Variants in AFAP1 observed in about 807,000 individuals in gnomAD.
AFAP1 encodes the protein actin filament associated protein 1.
AFAP1 carries 75 observed loss-of-function variants against 93.9 expected under a neutral mutation model. The observed-to-expected ratio is 0.80, with a 90% confidence interval of 0.66 to 0.97. The LOEUF is 0.97. Ranked by LOEUF, AFAP1 falls within the 50% of genes least tolerant of loss-of-function variation. AFAP1 has a pLI of 0.00. For missense variants in AFAP1, 1,201 were observed against 1,050.8 expected (o/e 1.14, Z -1.98); for synonymous variants, 517 against 430.7 (o/e 1.20, Z -2.48).
chr4:7,781,111 A>T (rs1475408933), intron 13 of AFAP1, among the ~76,000 whole-genome samples: 1 of 152,210 alleles, frequency 6.6e-6, no homozygotes, highest in Non-Finnish European at 1.5e-5. Context: ...GACATAATTC[A>T]CAAAATTTCA....
At chr4:7,842,567 T>C (rs1467038207) in intron 5 of AFAP1, 1 of 151,880 alleles carries the variant, frequency 6.6e-6, no homozygotes, top group African/African-American at 2.4e-5. Context: ...CACACCGTCC[T>C]CCCGGAATGC....
intron 1 of AFAP1, among the ~76,000 whole-genome samples, chr4:7,924,950 G>A (rs116028553): frequency 6.6e-6 from 1 of 151,972 alleles, no homozygotes; most frequent in Non-Finnish European, 1.5e-5. Flanking sequence ...CAATCACATA[G>A]GACACCCCAC....
intron 1 of AFAP1, among the ~76,000 whole-genome samples, chr4:7,926,557 A>G (rs1052094000): frequency 2.6e-5 from 4 of 152,050 alleles, no homozygotes; most frequent in Non-Finnish European, 4.4e-5. Context: ...CCCAAGGAGG[A>G]GAGAAGCAAA....
At chr4:7,820,291 T>C (rs910128935) in intron 6 of AFAP1, among the ~76,000 whole-genome samples, 1 of 152,148 alleles carries the variant, frequency 6.6e-6, no homozygotes, top group Non-Finnish European at 1.5e-5. Flanking sequence ...GACAGAGAAA[T>C]GGGCTGGGTG....
chr4:7,881,634 T>A (rs1717853337), intron 1 of AFAP1, among the ~76,000 whole-genome samples: 1 of 151,986 alleles, frequency 6.6e-6, no homozygotes, highest in African/African-American at 2.4e-5. Context: ...AATACAAAAA[T>A]TAGCCGGGCA....
chr4:7,919,882 A>G (rs544427684), intron 1 of AFAP1, among the ~76,000 whole-genome samples: 4 of 151,920 alleles, frequency 2.6e-5, no homozygotes, highest in African/African-American at 9.7e-5. Flanking sequence ...ACTTATAAGT[A>G]AGAACACATG....
chr4:7,900,367 CGCATTTAGCACA>C (rs1560227288), intron 1 of AFAP1, among the ~76,000 whole-genome samples: 1 of 6,230 alleles, frequency 1.6e-4, no homozygotes, highest in African/African-American at 4.3e-4. Flanking sequence ...CATTTAGCTG[CGCATTTAGCACA>C]GCTAAAATGG....
intron 4 of AFAP1, among the ~76,000 whole-genome samples, chr4:7,846,586 G>T (rs542691967): frequency 2.6e-5 from 4 of 152,308 alleles, no homozygotes; most frequent in Non-Finnish European, 4.4e-5. Context: ...ATGAAGTAAA[G>T]ATTTAATGAG....
intron 6 of AFAP1, among the ~76,000 whole-genome samples, chr4:7,837,330 G>T (rs550878045): frequency 6.6e-6 from 1 of 152,150 alleles, no homozygotes; most frequent in Admixed American, 6.5e-5. Flanking sequence ...TCTGGGAGGT[G>T]ACTAGGTCAT....
At chr4:7,766,471 G>A (rs1714593168) in intron 17 of AFAP1, among the ~76,000 whole-genome samples, 2 of 152,144 alleles carry the variant, frequency 1.3e-5, no homozygotes, top group South Asian at 4.1e-4. Flanking sequence ...AGGTCACACT[G>A]GCCACAGAAT....
intron 11 of AFAP1, among the ~76,000 whole-genome samples, chr4:7,792,045 CCT>C (rs1381719693): frequency 6.6e-6 from 1 of 152,100 alleles, no homozygotes; most frequent in Admixed American, 6.6e-5. Context: ...CTGCTTCTGC[CCT>C]CTGTCACAAA....
At chr4:7,876,749 G>C (rs80147442) in intron 1 of AFAP1, among the ~76,000 whole-genome samples, 4 of 152,112 alleles carry the variant, frequency 2.6e-5, no homozygotes, top group African/African-American at 9.7e-5. Context: ...TCATTGTATT[G>C]TTGTTAAGCT....
intron 16 of AFAP1, among the ~76,000 whole-genome samples, chr4:7,769,333 G>A (rs4997103): frequency 0.091 from 13,882 of 152,178 alleles, 1,001 homozygotes; most frequent in East Asian, 0.4. Flanking sequence ...AGCTGCTGCC[G>A]CCTCTAGCTG....
chr4:7,834,345 T>C (rs933713281), intron 6 of AFAP1, among the ~76,000 whole-genome samples: 3 of 152,090 alleles, frequency 2.0e-5, no homozygotes, highest in Non-Finnish European at 4.4e-5. Context: ...CAATAGACTT[T>C]GGGGATTCAG....
rs184285057 is a variant in AFAP1, at chr4:7,805,266, T to C, written c.1054+4348A>G. On this transcript the variant is annotated intron_variant, in intron 9 of 17. Coordinates refer to ENST00000420658, the MANE Select transcript of AFAP1 (RefSeq NM_001134647.2). ...GACGTATCTAGCTTTCCTGAATATC[T>C]ACTAAAAAATCCTGCCATTGAAAGA... 1.3e-3 allele frequency among the ~76,000 whole-genome samples: 191 copies of C among 152,282 alleles called. 2 individuals carry two copies. The highest frequency in any genetic ancestry group is 4.3e-4 in the Non-Finnish European group (29 of 68,024).
intron 7 of AFAP1, among the ~76,000 whole-genome samples, chr4:7,818,786 A>T (rs768673843): frequency 3.9e-5 from 6 of 152,248 alleles, no homozygotes; most frequent in Non-Finnish European, 7.3e-5. Flanking sequence ...GCTTGCCTTC[A>T]GACTTCAGCT....
intron 2 of AFAP1, among the ~76,000 whole-genome samples, chr4:7,869,027 GA>G (rs1239391563): frequency 1.0e-5 from 1 of 97,118 alleles, no homozygotes; most frequent in Non-Finnish European, 2.2e-5. Flanking sequence ...GAAAGGGAAA[GA>G]AAAAAGAAAG....
At chr4:7,764,608 G>A (rs1714293462) in intron 17 of AFAP1, among the ~76,000 whole-genome samples, 2 of 152,182 alleles carry the variant, frequency 1.3e-5, no homozygotes. Context: ...ATATGTAGAT[G>A]CTTAAATCCA....
chr4:7,867,755 G>C (rs1365363764), intron 3 of AFAP1, among the ~76,000 whole-genome samples: 1 of 150,116 alleles, frequency 6.7e-6, no homozygotes, highest in Admixed American at 6.7e-5. Context: ...AATTTATGGT[G>C]CTGTGTGCCA....
Sources: gnomAD v4.1 joint callset for allele counts (sites outside exome capture counted in the v4.1 genomes callset) on GRCh38, gnomAD v4.1.1 for gene constraint, MANE v1.5 for transcripts, NCBI Gene and HGNC (gene_info 2026-07-23, HGNC 2026-07-21) for gene names.